The following HECW2 variants were observed in gnomAD, a reference collection of about 807,000 sequenced individuals.
The protein encoded by HECW2 is E3 ubiquitin-protein ligase HECW2.
HECW2 carries 61 observed loss-of-function variants against 175.2 expected under a neutral mutation model. That is an observed-to-expected ratio of 0.35 (90% CI 0.28 to 0.43). HECW2 has a LOEUF of 0.43. Among genes scored for constraint, HECW2 ranks in the 20% least tolerant of loss-of-function variants. The probability of loss-of-function intolerance (pLI) is 1.00; values close to 1 mark genes in which losing one functional copy is unlikely to be tolerated. For synonymous variants in HECW2, 671 were observed against 731.0 expected (o/e 0.92, Z 1.32); for missense variants, 1,524 against 2,000.5 (o/e 0.76, Z 4.54).
intron 1 of HECW2, among the ~76,000 whole-genome samples, chr2:196,456,300 A>G (rs1185763624): frequency 6.6e-6 from 1 of 152,222 alleles, no homozygotes; most frequent in Non-Finnish European, 1.5e-5. Flanking sequence ...GCAAAATTGT[A>G]AAGCAGAATA....
chr2:196,224,130 C>T (rs897280861), intron 23 of HECW2, among the ~76,000 whole-genome samples: 2 of 152,098 alleles, frequency 1.3e-5, no homozygotes, highest in African/African-American at 2.4e-5. Flanking sequence ...AGAACATGTA[C>T]CGTGTGTATT....
At chr2:196,497,508 T>C (rs1232273884) in intron 1 of HECW2, among the ~76,000 whole-genome samples, 3 of 152,214 alleles carry the variant, frequency 2.0e-5, no homozygotes, top group Admixed American at 1.3e-4. Flanking sequence ...TAGATGATGA[T>C]AATGCACTGT....
intron 19 of HECW2, among the ~76,000 whole-genome samples, chr2:196,248,164 C>T (rs1688717061): frequency 6.6e-6 from 1 of 152,164 alleles, no homozygotes. Flanking sequence ...TTTCTTGGAG[C>T]TTGCTGATGT....
chr2:196,225,597 C>G (rs774278536), intron 23 of HECW2, among the ~76,000 whole-genome samples, 175 bp downstream of exon 23: 2 of 152,180 alleles, frequency 1.3e-5, no homozygotes, highest in Non-Finnish European at 2.9e-5. Flanking sequence ...AGGAAAAACA[C>G]AGTAATCATA....
At chr2:196,217,857 A>C (rs1687532648) in intron 26 of HECW2, 1 of 152,264 alleles carries the variant, frequency 6.6e-6, no homozygotes, top group Admixed American at 6.5e-5. Flanking sequence ...GATTCAAACC[A>C]ATGAATAGAC....
At chr2:196,339,939 T>C (rs1158227638) in intron 3 of HECW2, among the ~76,000 whole-genome samples, 43 of 152,170 alleles carry the variant, frequency 2.8e-4, no homozygotes, top group Admixed American at 2.7e-3. Context: ...TGAAATAAAT[T>C]TGGACTACCT....
chr2:196,326,335 T>C (rs906138052), intron 5 of HECW2, among the ~76,000 whole-genome samples: 1 of 152,172 alleles, frequency 6.6e-6, no homozygotes, highest in African/African-American at 2.4e-5. Context: ...CAAGAACTCA[T>C]GGCCCAGGTA....
intron 14 of HECW2, among the ~76,000 whole-genome samples, chr2:196,283,377 CT>C (rs745802743): frequency 2.0e-3 from 275 of 135,508 alleles, no homozygotes; most frequent in Middle Eastern, 3.9e-3. Flanking sequence ...AGAGAATACA[CT>C]TTTTTTTTTT....
At chr2:196,592,836 C>A (rs1159562626) in intron 1 of HECW2, 2 of 150,378 alleles carry the variant, frequency 1.3e-5, no homozygotes, top group African/African-American at 4.9e-5. Context: ...GGAGGGCGCC[C>A]CCAAAGTCGC....
At chr2:196,282,012 C>T (rs911908359) in intron 14 of HECW2, among the ~76,000 whole-genome samples, 2 of 152,072 alleles carry the variant, frequency 1.3e-5, no homozygotes, top group Admixed American at 6.5e-5. Flanking sequence ...GCCTGTGACA[C>T]GTCAAATATG....
intron 21 of HECW2, among the ~76,000 whole-genome samples, chr2:196,235,185 C>T (rs1034012582): frequency 2.7e-5 from 4 of 150,890 alleles, no homozygotes; most frequent in African/African-American, 4.9e-5. Flanking sequence ...GCAAGCTCTG[C>T]CTCCCAGGTT....
chr2:196,424,812 T>C (rs1471274888), intron 2 of HECW2, among the ~76,000 whole-genome samples: 1 of 152,154 alleles, frequency 6.6e-6, no homozygotes, highest in Admixed American at 6.5e-5. Context: ...CAAGTGTTGA[T>C]GTAGAAGTTG....
chr2:196,352,271 C>T (rs899011691), intron 2 of HECW2, among the ~76,000 whole-genome samples: 2 of 152,176 alleles, frequency 1.3e-5, no homozygotes, highest in Non-Finnish European at 2.9e-5. Flanking sequence ...TTTGAAGCCA[C>T]TTGAATGGCA....
intron 14 of HECW2, among the ~76,000 whole-genome samples, chr2:196,280,023 A>G (rs577358150): frequency 6.6e-6 from 1 of 152,356 alleles, no homozygotes; most frequent in South Asian, 2.1e-4. Flanking sequence ...AGTGCTATCT[A>G]TCATTATCCT....
intron 1 of HECW2, among the ~76,000 whole-genome samples, chr2:196,533,551 G>T (rs765313980): frequency 5.9e-5 from 9 of 152,138 alleles, no homozygotes; most frequent in African/African-American, 2.2e-4. Context: ...CAGGCTGCAG[G>T]ATGGAAGAGC....
At chr2:196,555,874 C>T (rs1289844419) in intron 1 of HECW2, among the ~76,000 whole-genome samples, 27 of 152,222 alleles carry the variant, frequency 1.8e-4, no homozygotes, top group Non-Finnish European at 3.7e-4. Context: ...CATTTCTTGA[C>T]ATAATCCTGC....
At chr2:196,407,134 T>C (rs1348151998) in intron 2 of HECW2, among the ~76,000 whole-genome samples, 1 of 152,122 alleles carries the variant, frequency 6.6e-6, no homozygotes, top group Non-Finnish European at 1.5e-5. Flanking sequence ...ACGAGCTTTC[T>C]GGTATAAAAA....
At chr2:196,248,423 C>T (rs1284672753) in intron 19 of HECW2, among the ~76,000 whole-genome samples, 1 of 152,054 alleles carries the variant, frequency 6.6e-6, no homozygotes, top group African/African-American at 2.4e-5. Flanking sequence ...CCCATCCCTA[C>T]CCACCCAGGG....
At chr2:196,381,581 G>A (rs990005468) in intron 2 of HECW2, among the ~76,000 whole-genome samples, 4 of 152,050 alleles carry the variant, frequency 2.6e-5, no homozygotes, top group Non-Finnish European at 4.4e-5. Context: ...AAAAGTAGAC[G>A]AAAAGTTCTG....
Sources: allele counts gnomAD v4.1 joint callset (sites outside exome capture counted in the v4.1 genomes callset), GRCh38; gene constraint gnomAD v4.1.1; transcripts MANE v1.5; gene names NCBI Gene and HGNC (gene_info 2026-07-23, HGNC 2026-07-21).